The following SLC35E2B variants were observed in gnomAD, a reference collection of about 807,000 sequenced individuals.
SLC35E2B encodes solute carrier family 35, member E2B.
In SLC35E2B, 18 loss-of-function variants were observed where a neutral mutation model predicts 32.4. The observed-to-expected ratio is 0.56, with a 90% CI of 0.38 to 0.82. SLC35E2B has a LOEUF of 0.82. Among genes scored for constraint, SLC35E2B ranks in the 40% least tolerant of loss-of-function variants. The pLI is 0.00. For missense variants in SLC35E2B, 263 were observed against 469.5 expected, an observed-to-expected ratio of 0.56 and a Z score of 4.06; for synonymous variants, 132 against 209.1, an observed-to-expected ratio of 0.63 and a Z score of 3.18.
At chr1:1,691,651 AC>A (rs1432427069) in intron 1 of SLC35E2B, among the ~76,000 whole-genome samples, 15 of 148,258 alleles carry the variant, frequency 1.0e-4, no homozygotes, top group African/African-American at 3.7e-4. Context: ...ATGCCCCAGA[AC>A]TCAGACCTCC....
intron 5 of SLC35E2B, among the ~76,000 whole-genome samples, chr1:1,674,633 C>CAAAAAAAAAA (rs372723226): frequency 2.4e-5 from 3 of 126,644 alleles, no homozygotes; most frequent in Non-Finnish European, 3.3e-5. Context: ...ATAAAAAAAA[C>CAAAAAAAAAA]AAAAAAAAAA....
chr1:1,681,946 C>G (rs1192348609), intron 2 of SLC35E2B, among the ~76,000 whole-genome samples: 2 of 126,830 alleles, frequency 1.6e-5, no homozygotes, highest in African/African-American at 6.1e-5. Flanking sequence ...GATCGCGCCA[C>G]TGCACTCACT....
rs1176149475 is a variant in SLC35E2B, at chr1:1,663,826, G to A, written c.*1956C>T. ...GAAATGGAAATCCGGGGAAAGTCACGTGACAAAACATCTTCGCAGCGCAGT... is the reference window on the plus strand; with the variant it reads ...GAAATGGAAATCCGGGGAAAGTCACATGACAAAACATCTTCGCAGCGCAGT... On this transcript the variant is annotated 3_prime_UTR_variant, in exon 10 of 10. Coordinates refer to ENST00000617444, the MANE Select transcript of SLC35E2B (RefSeq NM_001290264.2). 9.9e-6 allele frequency: 9 copies of A among 912,216 alleles called. 1 individual carries two copies. The highest frequency in any genetic ancestry group is 6.5e-5 in the Admixed American group (1 of 15,430). 56.5% of individuals were successfully genotyped at this position (912,216 alleles called of 1,614,324 possible). A position where few individuals can be genotyped will look rare whatever the true frequency, so the allele number is the denominator to read the frequency against.
At chr1:1,682,556 C>T (rs1030220431) in intron 2 of SLC35E2B, among the ~76,000 whole-genome samples, 1 of 152,074 alleles carries the variant, frequency 6.6e-6, no homozygotes, top group East Asian at 1.9e-4. Context: ...CTCCACCATG[C>T]GCTGTCAGCT....
Position 1,664,745 on chromosome 1 carries a change from T to C in SLC35E2B, c.*1037A>G, listed in dbSNP as rs904148926. ...CCCCAGAAACATTCAGTGTGGACGT[T>C]TCCTTTTTCAGTAAGGACGGCGCCC... On this transcript the variant is annotated 3_prime_UTR_variant, in exon 10 of 10. Transcript: ENST00000617444. 2.2e-6 allele frequency: 2 copies of C among 893,168 alleles called. No individual in the cohort carries two copies. The highest frequency in any genetic ancestry group is 5.3e-5 in the South Asian group (1 of 18,902). The allele number at this position is 893,168 out of a possible 1,614,324, so 55.3% of individuals were successfully genotyped here.
rs1426209973 is a variant in SLC35E2B at position 1,676,418 on chromosome 1, CTTG to C, written c.279_281del (p.Asn93del). ...CGCCTCCCAGCAGGGACAGGATGTA[CTTG>C]TTGAGGAAGAGCGTGCAGAAGCTGA... is the stretch of plus-strand genomic sequence containing the variant. On this transcript the variant is annotated inframe_deletion, in exon 3 of 10. Coordinates refer to ENST00000617444, the MANE Select transcript of SLC35E2B (RefSeq NM_001290264.2). 1 of 733,770 alleles carries C rather than the reference CTTG, an allele frequency of 1.4e-6. No individual in the cohort carries two copies. The highest frequency in any genetic ancestry group is 2.7e-5 in the East Asian group (1 of 37,072). The allele number at this position is 733,770 out of a possible 1,614,324, so 45.5% of individuals were successfully genotyped here. A position where few individuals can be genotyped will look rare whatever the true frequency, so the allele number is the denominator to read the frequency against.
intron 7 of SLC35E2B, 121 bp from the exon 8 acceptor site, chr1:1,669,857 G>C: frequency 9.3e-7 from 1 of 1,076,614 alleles, no homozygotes; most frequent in Non-Finnish European, 1.4e-6. Context: ...TCTCTAGACA[G>C]GACTAGGGTG....
intron 1 of SLC35E2B, among the ~76,000 whole-genome samples, 174 bp downstream of exon 1, chr1:1,692,275 T>C (rs1644023503): frequency 7.0e-6 from 1 of 141,886 alleles, no homozygotes; most frequent in Non-Finnish European, 1.5e-5. Flanking sequence ...ACCAGCGTTT[T>C]CCGCGCACAG....
At chr1:1,686,152 G>A (rs962273997) in intron 2 of SLC35E2B, among the ~76,000 whole-genome samples, 7 of 152,004 alleles carry the variant, frequency 4.6e-5, no homozygotes, top group Non-Finnish European at 1.0e-4. Flanking sequence ...TTACATGCAC[G>A]TGCCACCAAA....
intron 5 of SLC35E2B, chr1:1,671,961 C>T (rs1426341035): frequency 5.0e-6 from 1 of 201,584 alleles, no homozygotes; most frequent in African/African-American, 2.3e-5. Flanking sequence ...GAGATGGTCC[C>T]CAGGGAACTG....
In SLC35E2B at chr1:1,663,877, C is replaced by G; in HGVS notation, c.*1905G>C. 2.3e-6 allele frequency: 2 copies of G among 863,358 alleles called. No individual in the cohort carries two copies. The highest frequency in any genetic ancestry group is 1.4e-6 in the Non-Finnish European group (1 of 717,022). The allele number at this position is 863,358 out of a possible 1,614,324, so 53.5% of individuals were successfully genotyped here. A position where few individuals can be genotyped will look rare whatever the true frequency, so the allele number is the denominator to read the frequency against. ...GAGCACACACCTGGCCTGTCCTCCACACACAGGTCAGCGGTTTTATAGAAG... is the reference window on the plus strand; with the variant it reads ...GAGCACACACCTGGCCTGTCCTCCAGACACAGGTCAGCGGTTTTATAGAAG... On this transcript the variant is annotated 3_prime_UTR_variant, in exon 10 of 10. Transcript: ENST00000617444.
intron 9 of SLC35E2B, 142 bp from the exon 10 acceptor site, chr1:1,666,161 G>C: frequency 9.6e-7 from 1 of 1,045,294 alleles, no homozygotes; most frequent in South Asian, 1.7e-5. Context: ...CCTGCGGCCA[G>C]CAGCTCGGCT....
At chr1:1,667,980 G>A (rs905364714) in intron 9 of SLC35E2B, among the ~76,000 whole-genome samples, 1 of 151,596 alleles carries the variant, frequency 6.6e-6, no homozygotes, top group African/African-American at 2.4e-5. Flanking sequence ...AGCCTCCCGA[G>A]TAGCTGGGAT....
intron 2 of SLC35E2B, among the ~76,000 whole-genome samples, chr1:1,688,480 A>G (rs996924238): frequency 6.6e-5 from 10 of 151,682 alleles, no homozygotes; most frequent in African/African-American, 2.4e-4. Flanking sequence ...CGTGCCTGTA[A>G]TCCCAGCTAC....
chr1:1,661,566 A>C lies in SLC35E2B; in HGVS notation c.*4216T>G, dbSNP rs553376312. Reference sequence around the variant, plus strand: ...CTTCGTTTGGACAAAAATAACGAGGAGGCATCCACGGGATTAGTTACACGG... The same window carrying C: ...CTTCGTTTGGACAAAAATAACGAGGCGGCATCCACGGGATTAGTTACACGG... On this transcript the variant is annotated 3_prime_UTR_variant, in exon 10 of 10. Coordinates refer to ENST00000617444, the MANE Select transcript of SLC35E2B (RefSeq NM_001290264.2). The C allele has an allele frequency of 1.2e-4, 90 of 737,840 alleles. 7 individuals are homozygous for C. The South Asian group carries it at 3.6e-3, about 30-fold the overall frequency. 45.7% of individuals were successfully genotyped at this position (737,840 alleles called of 1,614,324 possible). A position where few individuals can be genotyped will look rare whatever the true frequency, so the allele number is the denominator to read the frequency against.
intron 2 of SLC35E2B, among the ~76,000 whole-genome samples, chr1:1,677,543 T>C (rs1280966359): frequency 5.3e-5 from 8 of 150,758 alleles, no homozygotes; most frequent in Non-Finnish European, 1.2e-4. Flanking sequence ...AGAGGCGTGA[T>C]CTGGGCTCAC....
intron 2 of SLC35E2B, among the ~76,000 whole-genome samples, chr1:1,684,431 G>A (rs1643927038): frequency 6.6e-6 from 1 of 152,152 alleles, no homozygotes; most frequent in African/African-American, 2.4e-5. Context: ...GGTAAGTGGG[G>A]ACCACCCACA....
rs562252176 is a variant in SLC35E2B, at chr1:1,682,500, G to A, written c.-147-5654C>T. Among the ~76,000 whole-genome samples the A allele has an allele frequency of 7.8e-4, 118 of 152,146 alleles. 1 individual carries two copies. Among genetic ancestry groups the A allele is most frequent in the Admixed American group, 7.2e-4 (11 of 15,264 alleles). The stretch of plus-strand genomic sequence containing the variant: ...ACCCCAAGCCCAAACCCACCGGAGC[G>A]GGGGAAGACTGAGGGACGAATCACA... On this transcript the variant is annotated intron_variant, in intron 2 of 9. Coordinates refer to ENST00000617444, the MANE Select transcript of SLC35E2B (RefSeq NM_001290264.2).
Position 1,665,474 on chromosome 1 carries a change from G to A in SLC35E2B, c.*308C>T, listed in dbSNP as rs1042730860. The A allele has an allele frequency of 4.4e-5, 24 of 547,272 alleles. No individual in the cohort carries two copies. Among genetic ancestry groups the A allele is most frequent in the Non-Finnish European group, 7.4e-5 (23 of 311,788 alleles). The allele number at this position is 547,272 out of a possible 1,614,324, so 33.9% of individuals were successfully genotyped here. A position where few individuals can be genotyped will look rare whatever the true frequency, so the allele number is the denominator to read the frequency against. ...ACCTCTGGCTCCCGGTGGACCCTGG[G>A]GTGTCGCCCAGAGAGGAAGTGGGCA... is the stretch of plus-strand genomic sequence containing the variant. On this transcript the variant is annotated 3_prime_UTR_variant, in exon 10 of 10. Coordinates refer to ENST00000617444, the MANE Select transcript of SLC35E2B (RefSeq NM_001290264.2).
Sources: allele counts gnomAD v4.1 joint callset (sites outside exome capture counted in the v4.1 genomes callset), GRCh38; gene constraint gnomAD v4.1.1; transcripts MANE v1.5; gene names NCBI Gene and HGNC (gene_info 2026-07-23, HGNC 2026-07-21).